SIPA1L2: variants seen among roughly 807,000 people sequenced by gnomAD.
SIPA1L2 encodes the protein signal-induced proliferation-associated 1-like protein 2.
SIPA1L2 carries 56 observed loss-of-function variants against 163.9 expected under a neutral mutation model. That is an observed-to-expected ratio of 0.34 (90% confidence interval 0.28 to 0.43). The LOEUF (loss-of-function observed/expected upper bound fraction) is 0.43, where lower values mean the gene tolerates loss of function less well. Ranked by LOEUF, SIPA1L2 falls within the 20% of genes least tolerant of loss-of-function variation. The pLI, the probability that SIPA1L2 is intolerant of heterozygous loss-of-function variation, is 1.00. For synonymous variants in SIPA1L2, 877 were observed against 865.7 expected (o/e 1.01, Z -0.23); for missense variants, 1,974 against 2,193.5 (o/e 0.90, Z 2.00).
rs2102904121 is a variant in SIPA1L2, at chr1:232,629,889, G to C, written c.-339C>G. Among the ~76,000 whole-genome samples, 1 of 151,824 alleles carries C rather than the reference G, an allele frequency of 6.6e-6. No homozygotes were observed. Among genetic ancestry groups the C allele is most frequent in the East Asian group, 2.0e-4 (1 of 5,112 alleles). ...CGAACCTTCGCAACGCCGTCCGCCG[G>C]AACCTGCTACAGCCTGTGCGCGCCG... is the stretch of plus-strand genomic sequence containing the variant. On this transcript the variant is annotated 5_prime_UTR_variant, in exon 1 of 23. Transcript: ENST00000674635.
intron 8 of SIPA1L2, among the ~76,000 whole-genome samples, chr1:232,469,781 T>C (rs1006363917): frequency 7.2e-5 from 11 of 151,868 alleles, no homozygotes; most frequent in African/African-American, 1.9e-4. Context: ...AAACATTTAA[T>C]TAGATTCAAA....
In SIPA1L2 at chr1:232,408,202, C is replaced by T. The variant is rs114425656; in HGVS notation, c.4763-4024G>A. 1.3e-3 allele frequency among the ~76,000 whole-genome samples: 204 copies of T among 152,034 alleles called. 2 individuals carry two copies. The highest frequency in any genetic ancestry group is 3.9e-3 in the African/African-American group (162 of 41,492). ...TAAAACAAAGTCTAAAATGTGACTC[C>T]GCCAGCTTTTCAAACTTGACCTTAC... On this transcript the variant is annotated intron_variant, in intron 19 of 22. Coordinates refer to ENST00000674635, the MANE Select transcript of SIPA1L2 (RefSeq NM_020808.5).
chr1:232,422,616 A>G (rs1389266019), intron 18 of SIPA1L2, among the ~76,000 whole-genome samples: 1 of 152,190 alleles, frequency 6.6e-6, no homozygotes, highest in Non-Finnish European at 1.5e-5. Flanking sequence ...TCTATGTTTT[A>G]AAGTTTAAAA....
intron 9 of SIPA1L2, among the ~76,000 whole-genome samples, chr1:232,462,686 T>G (rs1664303052): frequency 6.6e-6 from 1 of 152,226 alleles, no homozygotes; most frequent in Non-Finnish European, 1.5e-5. Context: ...CACTTCTTTT[T>G]CAACTTTGTT....
At chr1:232,467,639 A>G (rs1664592946) in intron 8 of SIPA1L2, among the ~76,000 whole-genome samples, 1 of 152,236 alleles carries the variant, frequency 6.6e-6, no homozygotes, top group Non-Finnish European at 1.5e-5. Context: ...CGATAAACCA[A>G]TGTATCACCG....
chr1:232,524,689 A>T (rs1417301430), intron 2 of SIPA1L2, among the ~76,000 whole-genome samples: 1 of 152,174 alleles, frequency 6.6e-6, no homozygotes, highest in Admixed American at 6.5e-5. Context: ...TTTTAAGAAT[A>T]TGCATCAACT....
intron 18 of SIPA1L2, among the ~76,000 whole-genome samples, chr1:232,420,389 T>C (rs1661501958): frequency 6.6e-6 from 1 of 152,182 alleles, no homozygotes; most frequent in Non-Finnish European, 1.5e-5. Flanking sequence ...TGATCACCTG[T>C]GCTTTGTGAT....
intron 7 of SIPA1L2, among the ~76,000 whole-genome samples, chr1:232,475,636 C>A (rs12734385): frequency 2.8e-4 from 43 of 152,158 alleles, no homozygotes; most frequent in Non-Finnish European, 5.0e-4. Flanking sequence ...GAACTGTTCT[C>A]ATTTCTGATG....
intron 16 of SIPA1L2, among the ~76,000 whole-genome samples, chr1:232,431,188 G>A (rs764256354): frequency 6.6e-6 from 1 of 152,126 alleles, no homozygotes; most frequent in Admixed American, 6.5e-5. Flanking sequence ...ATGAATTCCC[G>A]TGAAGCACTC....
Position 232,526,977 on chromosome 1 carries a change from C to T in SIPA1L2, c.-269-11369G>A, listed in dbSNP as rs560305809. 3.3e-5 allele frequency among the ~76,000 whole-genome samples: 5 copies of T among 152,292 alleles called. No homozygotes were observed. In the South Asian group the frequency reaches 6.2e-4, roughly 19 times the overall value. On this transcript the variant is annotated intron_variant, in intron 2 of 22. Coordinates refer to ENST00000674635, the MANE Select transcript of SIPA1L2 (RefSeq NM_020808.5). The stretch of plus-strand genomic sequence containing the variant: ...TACCGCCGTCTTCTTGGGGGCCTGA[C>T]AGAATAAAGACAAAGTACCAGAGTG...
chr1:232,500,447 T>G (rs761501553), intron 3 of SIPA1L2, among the ~76,000 whole-genome samples: 1 of 152,194 alleles, frequency 6.6e-6, no homozygotes, highest in Admixed American at 6.5e-5. Context: ...TTATGATTCA[T>G]GAGAGGATGT....
intron 2 of SIPA1L2, 132 bp from the exon 3 acceptor site, chr1:232,515,740 G>A (rs772934897): frequency 1.5e-4 from 25 of 170,424 alleles, no homozygotes; most frequent in Admixed American, 2.2e-4. Flanking sequence ...AGCACTGTTC[G>A]TAACACTCCT....
At chr1:232,449,668 T>C (rs752380898) in intron 10 of SIPA1L2, among the ~76,000 whole-genome samples, 3 of 151,584 alleles carry the variant, frequency 2.0e-5, no homozygotes, top group Non-Finnish European at 2.9e-5. Context: ...AGAACTAAGA[T>C]ATGTAAAACT....
intron 2 of SIPA1L2, among the ~76,000 whole-genome samples, chr1:232,563,871 T>C (rs555302082): frequency 2.0e-5 from 3 of 151,870 alleles, no homozygotes; most frequent in African/African-American, 4.8e-5. Context: ...CCCGCCACCA[T>C]GCCCAGCTAA....
chr1:232,431,531 T>C (rs1477382699), intron 16 of SIPA1L2, among the ~76,000 whole-genome samples: 1 of 152,330 alleles, frequency 6.6e-6, no homozygotes, highest in Non-Finnish European at 1.5e-5. Context: ...ACCACACGCC[T>C]GATGACGCTA....
chr1:232,475,417 C>G (rs1274470992), intron 7 of SIPA1L2, among the ~76,000 whole-genome samples: 1 of 152,196 alleles, frequency 6.6e-6, no homozygotes, highest in Non-Finnish European at 1.5e-5. Flanking sequence ...ACACACATAT[C>G]CCCTCATATA....
In SIPA1L2 at chr1:232,428,437, G is replaced by C. The variant is rs1333414988; in HGVS notation, c.4384C>G (p.Pro1462Ala). 6.3e-7 allele frequency: 1 copy of C among 1,577,998 alleles called. No homozygotes were observed. Among genetic ancestry groups the C allele is most frequent in the South Asian group, 1.2e-5 (1 of 85,334 alleles). ...DFLKLMLPDS[P>A]LVEEGRRKFS... Reference sequence around the variant, plus strand: ...TTTCTTCGCCCCTCCTCCACTAAGGGGCTGTCAGGAAGCATCAATTTCAGA... The same window carrying C: ...TTTCTTCGCCCCTCCTCCACTAAGGCGCTGTCAGGAAGCATCAATTTCAGA... Residue 1462 changes from proline (P) to alanine (A), a missense_variant, in exon 17 of 23, where the codon CCC becomes GCC. By Grantham distance (27) the Pro-to-Ala change is conservative. Around this residue, in one of 3 missense-constraint regions of SIPA1L2, gnomAD observed 1,079 missense variants for 1,150.7 expected, o/e 0.94. Transcript: ENST00000674635.
intron 2 of SIPA1L2, among the ~76,000 whole-genome samples, chr1:232,560,943 T>C (rs551532577): frequency 3.9e-5 from 6 of 152,348 alleles, no homozygotes; most frequent in Admixed American, 2.6e-4. Context: ...AGAACTTTAG[T>C]AGACGTAAAA....
intron 2 of SIPA1L2, among the ~76,000 whole-genome samples, chr1:232,527,242 C>G (rs922127719): frequency 2.6e-5 from 4 of 152,180 alleles, no homozygotes; most frequent in African/African-American, 9.7e-5. Context: ...GAAAGGGCTC[C>G]ATACTTTTTA....
Sources: gnomAD v4.1 joint callset for allele counts (sites outside exome capture counted in the v4.1 genomes callset) on GRCh38, gnomAD v4.1.1 for gene constraint, gnomAD v4.1.1 regional missense constraint, MANE v1.5 for transcripts, NCBI Gene and HGNC (gene_info 2026-07-23, HGNC 2026-07-21) for gene names.